Variants in OXTR observed in about 807,000 individuals in gnomAD.
The protein encoded by OXTR is oxytocin receptor.
Under a neutral mutation model 23.9 loss-of-function variants are expected in OXTR, and 19 were observed. That is an observed-to-expected ratio of 0.80 (90% CI 0.56 to 1.17). OXTR has a LOEUF of 1.17. Ranked by LOEUF, OXTR falls within the 50% of genes most tolerant of loss-of-function variation. OXTR has a pLI of 0.00. For missense variants in OXTR, 500 were observed against 550.7 expected, an observed-to-expected ratio of 0.91 and a Z score of 0.92; for synonymous variants, 278 against 250.5, an observed-to-expected ratio of 1.11 and a Z score of -1.04.
intron 3 of OXTR, 51 bp downstream of exon 3, chr3:8,767,215 C>T: frequency 2.7e-6 from 4 of 1,494,760 alleles, no homozygotes; most frequent in Non-Finnish European, 3.6e-6. Context: ...AAGATAAGGG[C>T]CTCCCCCAGC....
At chr3:8,750,297 A>G (rs1201512833), downstream of OXTR, 1 of 152,220 alleles carries the variant, frequency 6.6e-6, no homozygotes, top group Non-Finnish European at 1.5e-5. Context: ...AAATGATGAG[A>G]TCCCTCTCAA....
At chr3:8,763,835 C>T (rs972911337) in intron 3 of OXTR, among the ~76,000 whole-genome samples, 2 of 152,122 alleles carry the variant, frequency 1.3e-5, no homozygotes, top group African/African-American at 4.8e-5. Flanking sequence ...TAACAACTAA[C>T]CAGGTGTAGA....
At chr3:8,762,712 G>A (rs917977940) in intron 3 of OXTR, among the ~76,000 whole-genome samples, 12 of 152,240 alleles carry the variant, frequency 7.9e-5, no homozygotes, top group African/African-American at 2.9e-4. Flanking sequence ...AACAGGGAGG[G>A]GCTGGGAAGC....
Position 8,768,147 on chromosome 3 carries a change from G to T in OXTR, c.41C>A (p.Ala14Asp), listed in dbSNP as rs924822059. The change falls in exon 3 of 4, where the codon GCC (alanine) becomes GAC (aspartate). Residue 14 changes from alanine to aspartate, a missense_variant. Ala to Asp is a moderately radical substitution (Grantham distance 126). Transcript: ENST00000316793. The surrounding 1 kb of genome is among the most constrained non-coding windows in gnomAD (Gnocchi z 5.4). ...CCCCGGCGGCGCGGCGCTGGCGTTG[G>T]CTGCCTCGGCGCTCCAGTTGGCTGC... ...ALAANWSAEA[A>D]NASAAPPGAE... 1 of 1,337,956 alleles carries T rather than the reference G, an allele frequency of 7.5e-7. No individual in the cohort carries two copies. The allele number at this position is 1,337,956 out of a possible 1,614,324, so 82.9% of individuals were successfully genotyped here.
downstream of OXTR, among the ~76,000 whole-genome samples, chr3:8,749,970 A>C (rs963041878): frequency 6.6e-6 from 1 of 152,202 alleles, no homozygotes; most frequent in Non-Finnish European, 1.5e-5. Context: ...CTGGAAACTT[A>C]AAAGGTGCCC....
intron 3 of OXTR, among the ~76,000 whole-genome samples, chr3:8,762,020 G>T (rs138066994): frequency 1.0e-3 from 157 of 152,340 alleles, no homozygotes; most frequent in African/African-American, 3.6e-3. Context: ...GCCCTGTGGG[G>T]TTGCCTTTGC....
intron 3 of OXTR, among the ~76,000 whole-genome samples, chr3:8,761,501 G>A (rs1382591849): frequency 3.9e-5 from 4 of 102,592 alleles, no homozygotes; most frequent in South Asian, 2.9e-4. Flanking sequence ...CTGGCCTGGG[G>A]CGGCAGGGGT....
rs1209963428 is a variant in OXTR at position 8,767,441 on chromosome 3, AGCCGCCGCGCCCTCTGGCGCCTCGGCC to A, written c.720_746del (p.Ala241_Ala249del). On this transcript the variant is annotated inframe_deletion, in exon 3 of 4. Transcript: ENST00000316793. ...CCAGGGCCACGCGCCCCCCATCGCC[AGCCGCCGCGCCCTCTGGCGCCTCGGCC>A]GCCGCCGCTGCAGCGGTCTTGAGCC... 3.7e-6 allele frequency: 6 copies of A among 1,603,660 alleles called. No homozygotes were observed. In the African/African-American group the frequency reaches 4.0e-5, roughly 11 times the overall value.
chr3:8,763,589 A>C (rs1708536886), intron 3 of OXTR, among the ~76,000 whole-genome samples: 2 of 152,236 alleles, frequency 1.3e-5, no homozygotes, highest in South Asian at 4.1e-4. Flanking sequence ...CACTGGGTTC[A>C]AGGGAAAAGG....
chr3:8,745,979 C>A, downstream of OXTR: 1 of 816,732 alleles, frequency 1.2e-6, no homozygotes, highest in Non-Finnish European at 1.9e-6. This position sits in a 1 kb window ranked among gnomAD's most constrained non-coding sequence, Gnocchi z 4.8. Flanking sequence ...GGGACTGCTC[C>A]ATACCCCATG....
intron 3 of OXTR, among the ~76,000 whole-genome samples, chr3:8,762,926 G>A (rs759052224): frequency 1.4e-4 from 21 of 152,132 alleles, no homozygotes; most frequent in Middle Eastern, 3.2e-3. Context: ...TCCCTGCCCC[G>A]TCTCACTCAC....
chr3:8,764,683 G>A (rs918873608), intron 3 of OXTR, among the ~76,000 whole-genome samples: 1 of 152,190 alleles, frequency 6.6e-6, no homozygotes, highest in African/African-American at 2.4e-5. Flanking sequence ...CATCCCCGAG[G>A]CCTAGGCATG....
chr3:8,757,459 A>G (rs934761284), intron 3 of OXTR, among the ~76,000 whole-genome samples: 2 of 151,900 alleles, frequency 1.3e-5, no homozygotes, highest in Non-Finnish European at 2.9e-5. Context: ...AACAAAAAAA[A>G]TCAAACCCCA....
In OXTR at chr3:8,767,450, G is replaced by A; in HGVS notation, c.738C>T (p.Gly246=). ...AAAAAAEAPE[G]AAAGDGGRVA... ...CGCGCCCCCCATCGCCAGCCGCCGC[G>A]CCCTCTGGCGCCTCGGCCGCCGCCG... Residue 246 remains glycine (G), a synonymous_variant, in exon 3 of 4, where the codon GGC becomes GGT. Transcript: ENST00000316793. 6.2e-7 allele frequency: 1 copy of A among 1,601,552 alleles called. No homozygotes were observed. The highest frequency in any genetic ancestry group is 8.5e-7 in the Non-Finnish European group (1 of 1,174,412).
At chr3:8,742,193 C>A in the OXTR span, among the ~76,000 whole-genome samples, 9 of 152,072 alleles carry the variant, frequency 5.9e-5, no homozygotes, top group African/African-American at 2.2e-4. Flanking sequence ...TCTCTCAATG[C>A]TCAAATCTGA....
At chr3:8,745,866 A>G (rs748075760), downstream of OXTR, 6 of 1,609,610 alleles carry the variant, frequency 3.7e-6, no homozygotes, top group East Asian at 1.3e-4. This position sits in a 1 kb window ranked among gnomAD's most constrained non-coding sequence, Gnocchi z 4.8. Context: ...AAGGAGGTCT[A>G]AAGCCAGGTG....
intron 3 of OXTR, among the ~76,000 whole-genome samples, chr3:8,760,717 T>C (rs60902022): frequency 0.43 from 64,758 of 151,944 alleles, 14,480 homozygotes; most frequent in African/African-American, 0.54. Context: ...CTTCAAAGGA[T>C]GGGAATCCGT....
rs913710955 is a variant in OXTR, at chr3:8,752,983, C to T, written c.1164G>A (p.Thr388=). 4 of 1,610,610 alleles carry T rather than the reference C, an allele frequency of 2.5e-6. No homozygotes were observed. Among genetic ancestry groups the T allele is most frequent in the Non-Finnish European group, 3.4e-6 (4 of 1,177,604 alleles). Residue 388 remains threonine (T), a synonymous_variant, in exon 4 of 4, where the codon ACG becomes ACA. Coordinates refer to ENST00000316793, the MANE Select transcript of OXTR (RefSeq NM_000916.4). ...SSQRSCSQPS[T]A ...CCTGGCCCTGGCTGGTGGGTCACGC[C>T]GTGGATGGCTGGGAGCAGCTCCTCT...
At chr3:8,763,138 C>G (rs1708525622) in intron 3 of OXTR, among the ~76,000 whole-genome samples, 1 of 152,162 alleles carries the variant, frequency 6.6e-6, no homozygotes, top group African/African-American at 2.4e-5. Flanking sequence ...TAGTCCACCT[C>G]TCCGGCCTTA....
Sources: allele counts gnomAD v4.1 joint callset (sites outside exome capture counted in the v4.1 genomes callset), GRCh38; gene constraint gnomAD v4.1.1; non-coding constraint Gnocchi (gnomAD v3.1); transcripts MANE v1.5; gene names NCBI Gene and HGNC (gene_info 2026-07-23, HGNC 2026-07-21).